Variants in FARP1 observed in about 807,000 individuals in gnomAD.
FARP1 encodes the protein FERM, ARHGEF and pleckstrin domain-containing protein 1.
Under a neutral mutation model 128.8 loss-of-function variants are expected in FARP1, and 52 were observed. The ratio of observed to expected loss-of-function variants is 0.40; its 90% CI spans 0.32 to 0.51. The LOEUF is 0.51. Among genes scored for constraint, FARP1 ranks in the 20% least tolerant of loss-of-function variants. FARP1 has a pLI of 0.45. For synonymous variants in FARP1, 580 were observed against 551.8 expected (o/e 1.05, Z -0.72); for missense variants, 1,333 against 1,367.9 (o/e 0.97, Z 0.40).
intron 1 of FARP1, among the ~76,000 whole-genome samples, chr13:98,165,594 C>T (rs1877188621): frequency 1.4e-5 from 2 of 147,858 alleles, no homozygotes; most frequent in Non-Finnish European, 3.0e-5. Context: ...TTAAAAAAGA[C>T]TTTTCCCAAC....
rs1021835527 is a variant in FARP1, at chr13:98,452,311, T to C, written c.*3994T>C. On this transcript the variant is annotated 3_prime_UTR_variant, in exon 27 of 27. Coordinates refer to ENST00000319562, the MANE Select transcript of FARP1 (RefSeq NM_005766.4). ...CAGCAGTGGCACGATTCCAAACAAATGTCAGACGAGAGCGCTTCATGGGGA... is the reference window on the plus strand; with the variant it reads ...CAGCAGTGGCACGATTCCAAACAAACGTCAGACGAGAGCGCTTCATGGGGA... 1.3e-5 allele frequency: 2 copies of C among 152,390 alleles called. No individual in the cohort carries two copies. Among genetic ancestry groups the C allele is most frequent in the African/African-American group, 4.8e-5 (2 of 41,398 alleles). The allele number at this position is 152,390 out of a possible 1,614,324, so 9.4% of individuals were successfully genotyped here.
At chr13:98,212,016 G>A (rs1880747717) in intron 1 of FARP1, among the ~76,000 whole-genome samples, 1 of 56,562 alleles carries the variant, frequency 1.8e-5, no homozygotes, top group African/African-American at 5.9e-5. Flanking sequence ...GAGCACAGAG[G>A]GGATAACACA....
At chr13:98,184,075 G>C (rs1878702053) in intron 1 of FARP1, among the ~76,000 whole-genome samples, 1 of 152,152 alleles carries the variant, frequency 6.6e-6, no homozygotes, top group Admixed American at 6.6e-5. Flanking sequence ...TACTTGAGAA[G>C]GGAGAGCAGT....
intron 2 of FARP1, among the ~76,000 whole-genome samples, chr13:98,286,486 A>G (rs553302196): frequency 3.9e-5 from 6 of 152,098 alleles, no homozygotes; most frequent in Middle Eastern, 3.4e-3. Context: ...ACACGTTCTG[A>G]TGGTTTTATA....
chr13:98,431,267 C>A lies in FARP1; in HGVS notation c.2130C>A (p.Phe710Leu), dbSNP rs763445579. Residue 710 changes from phenylalanine to leucine, a missense_variant, in exon 18 of 27, where the codon TTC becomes TTA. By Grantham distance (22) the Phe-to-Leu change is conservative (BLOSUM62 0). Transcript: ENST00000319562. ...CKHHPPSHADFRDCRAALAEI... is the reference protein window; with the variant it reads ...CKHHPPSHADLRDCRAALAEI... ...ACCACCCGCCGAGCCACGCCGACTT[C>A]AGGGACTGCCGAGGTGAGTGCTGGG... is the stretch of plus-strand genomic sequence containing the variant. 4 of 1,588,554 alleles carry A rather than the reference C, an allele frequency of 2.5e-6. No homozygotes were observed. The highest frequency in any genetic ancestry group is 3.4e-6 in the Non-Finnish European group (4 of 1,168,186).
intron 2 of FARP1, among the ~76,000 whole-genome samples, chr13:98,243,646 T>A (rs1882903271): frequency 7.3e-6 from 1 of 137,410 alleles, no homozygotes; most frequent in African/African-American, 2.8e-5. Context: ...GCAGTGAGCC[T>A]AGATCGTGCC....
chr13:98,202,697 G>A (rs1594264056), intron 1 of FARP1, among the ~76,000 whole-genome samples: 1 of 152,166 alleles, frequency 6.6e-6, no homozygotes, highest in East Asian at 1.9e-4. Flanking sequence ...ACTTCTTAAT[G>A]AAACATAGTC....
At chr13:98,161,894 C>T (rs1473612075) in intron 1 of FARP1, among the ~76,000 whole-genome samples, 2 of 152,150 alleles carry the variant, frequency 1.3e-5, no homozygotes, top group Non-Finnish European at 2.9e-5. Context: ...ATCCACCCAC[C>T]TCAGCCTCTT....
At chr13:98,397,537 G>A (rs1890594489) in intron 13 of FARP1, 1 of 152,238 alleles carries the variant, frequency 6.6e-6, no homozygotes, top group South Asian at 2.1e-4. Flanking sequence ...TTGCCCACCA[G>A]TGTCACTGCC....
At chr13:98,157,317 G>T (rs1289343367) in intron 1 of FARP1, among the ~76,000 whole-genome samples, 2 of 150,736 alleles carry the variant, frequency 1.3e-5, no homozygotes, top group Non-Finnish European at 3.0e-5. Flanking sequence ...TCTTCCCCCT[G>T]ATCAGTCCCC....
At chr13:98,197,744 T>C (rs1436439252) in intron 1 of FARP1, among the ~76,000 whole-genome samples, 2 of 151,606 alleles carry the variant, frequency 1.3e-5, no homozygotes, top group Non-Finnish European at 1.5e-5. Flanking sequence ...ACGCCATTCT[T>C]CTGCCTCAGC....
At position 98,450,637 on chromosome 13, in the gene FARP1, T is replaced by C. The variant is rs974618584; in HGVS notation, c.*2320T>C. On this transcript the variant is annotated 3_prime_UTR_variant, in exon 27 of 27. Coordinates refer to ENST00000319562, the MANE Select transcript of FARP1 (RefSeq NM_005766.4). Reference sequence around the variant, plus strand: ...CTGAGTACCTCCCCAGGCTGCAGGCTCTGGGCAGCTGAGCCAGGAGCAGCT... The same window carrying C: ...CTGAGTACCTCCCCAGGCTGCAGGCCCTGGGCAGCTGAGCCAGGAGCAGCT... 3 of 152,176 alleles carry C rather than the reference T, an allele frequency of 2.0e-5. No homozygotes were observed. Among genetic ancestry groups the C allele is most frequent in the Non-Finnish European group, 4.4e-5 (3 of 68,050 alleles). The allele number at this position is 152,176 out of a possible 1,614,324, so 9.4% of individuals were successfully genotyped here. A position where few individuals can be genotyped will look rare whatever the true frequency, so the allele number is the denominator to read the frequency against.
At chr13:98,264,316 T>C (rs552096858) in intron 2 of FARP1, among the ~76,000 whole-genome samples, 7 of 152,294 alleles carry the variant, frequency 4.6e-5, no homozygotes, top group African/African-American at 1.4e-4. Flanking sequence ...ATTCCAGAAC[T>C]AAGCAATTCC....
At chr13:98,308,042 T>C (rs1209475598) in intron 2 of FARP1, among the ~76,000 whole-genome samples, 2,532 of 7,914 alleles carry the variant, frequency 0.32, 246 homozygotes, top group Middle Eastern at 0.5. Flanking sequence ...TCTTTTTTTT[T>C]TTTTTTTTTT....
Position 98,384,843 on chromosome 13 carries a change from A to G in FARP1, c.610A>G (p.Ile204Val), listed in dbSNP as rs184642774. The change falls in exon 7 of 27, where the codon ATT becomes GTT. Residue 204 changes from isoleucine (I) to valine (V), a missense_variant and splice_region_variant. This residue lies in a region of FARP1 where 324 missense variants were observed against 398.1 expected (regional missense o/e 0.81). Transcript: ENST00000319562. ...AATCGTGGAATTTCACCATAACCACATGTAAGTCTCATTCTTGGCTTCATA... is the reference window on the plus strand; with the variant it reads ...AATCGTGGAATTTCACCATAACCACGTGTAAGTCTCATTCTTGGCTTCATA... ...DKIVEFHHNH[I>V]GQTPAESDFQ... 3.1e-4 allele frequency: 499 copies of G among 1,585,414 alleles called. 1 individual carries two copies. Among genetic ancestry groups the G allele is most frequent in the South Asian group, 6.0e-4 (54 of 90,556 alleles).
At chr13:98,178,650 T>G (rs1242054020) in intron 1 of FARP1, among the ~76,000 whole-genome samples, 1 of 152,224 alleles carries the variant, frequency 6.6e-6, no homozygotes, top group African/African-American at 2.4e-5. Context: ...TTCTATCTCT[T>G]TACTTACTAG....
intron 2 of FARP1, among the ~76,000 whole-genome samples, chr13:98,334,896 G>C (rs1419584661): frequency 6.6e-6 from 1 of 152,194 alleles, no homozygotes; most frequent in Admixed American, 6.5e-5. Context: ...ACACCCTCCA[G>C]AACTGTGAAA....
rs56030081 is a variant in FARP1 at position 98,309,153 on chromosome 13, C to CTTT, written c.172-34581_172-34579dup. Among the ~76,000 whole-genome samples the CTTT allele has an allele frequency of 1.8e-3, 158 of 89,680 alleles. 18 individuals carry two copies. The highest frequency in any genetic ancestry group is 2.4e-3 in the Non-Finnish European group (118 of 48,398). 58.8% of individuals were successfully genotyped at this position (89,680 alleles called of 152,430 possible). ...TATATTAATATTAATTTTAAGAGGC[C>CTTT]TTTTTTTTTTTTTTTTTTTTTTTTT... On this transcript the variant is annotated intron_variant, in intron 2 of 26. Transcript: ENST00000319562.
chr13:98,199,622 C>T (rs1879806405), intron 1 of FARP1, among the ~76,000 whole-genome samples: 2 of 152,164 alleles, frequency 1.3e-5, no homozygotes, highest in African/African-American at 4.8e-5. Context: ...TGGGTGCTTT[C>T]TACAAATATT....
Sources: allele counts gnomAD v4.1 joint callset (sites outside exome capture counted in the v4.1 genomes callset), GRCh38; gene constraint gnomAD v4.1.1; regional missense constraint gnomAD v4.1.1; transcripts MANE v1.5; gene names NCBI Gene and HGNC (gene_info 2026-07-23, HGNC 2026-07-21).